The following STARD13 variants were observed in gnomAD, a reference collection of about 807,000 sequenced individuals.
STARD13 encodes StAR related lipid transfer domain containing 13, also known as stAR-related lipid transfer protein 13.
In STARD13, 62 loss-of-function variants were observed where a neutral mutation model predicts 106.4. That is an observed-to-expected ratio of 0.58 (90% CI 0.48 to 0.72). The LOEUF (loss-of-function observed/expected upper bound fraction) is 0.72, where lower values mean the gene tolerates loss of function less well. Among genes scored for constraint, STARD13 ranks in the 30% least tolerant of loss-of-function variants. The pLI is 0.00. For missense variants in STARD13, 1,387 were observed against 1,424.0 expected (o/e 0.97, Z 0.42); for synonymous variants, 565 against 553.0 (o/e 1.02, Z -0.31).
At chr13:33,620,779 C>T in the STARD13 span, among the ~76,000 whole-genome samples, 1 of 149,752 alleles carries the variant, frequency 6.7e-6, no homozygotes, top group Non-Finnish European at 1.5e-5. Flanking sequence ...ACATATATAA[C>T]AGAATATACA....
the STARD13 span, among the ~76,000 whole-genome samples, chr13:33,647,706 T>C: frequency 6.6e-6 from 1 of 152,210 alleles, no homozygotes; most frequent in African/African-American, 2.4e-5. Flanking sequence ...ACACAGTAAA[T>C]GGGAAAGATC....
At chr13:33,668,066 A>G in the STARD13 span, among the ~76,000 whole-genome samples, 4 of 152,122 alleles carry the variant, frequency 2.6e-5, no homozygotes, top group African/African-American at 9.7e-5. Context: ...TTTTCTGTCC[A>G]TAGATTTTCT....
the STARD13 span, among the ~76,000 whole-genome samples, chr13:33,471,281 T>C: frequency 6.6e-6 from 1 of 152,270 alleles, no homozygotes. Context: ...TGTAGCCACA[T>C]AGAGAGTAGC....
At chr13:33,459,820 T>C in the STARD13 span, among the ~76,000 whole-genome samples, 1 of 152,210 alleles carries the variant, frequency 6.6e-6, no homozygotes, top group Non-Finnish European at 1.5e-5. Context: ...AATATATTTT[T>C]TCTGGATATA....
chr13:33,231,905 C>G (rs1460872057), intron 1 of STARD13, among the ~76,000 whole-genome samples: 1 of 152,212 alleles, frequency 6.6e-6, no homozygotes, highest in Non-Finnish European at 1.5e-5. Context: ...CTAAAATCTG[C>G]AGATGCTCAA....
chr13:33,490,151 G>GT, the STARD13 span, among the ~76,000 whole-genome samples: 3 of 151,810 alleles, frequency 2.0e-5, no homozygotes, highest in Admixed American at 1.3e-4. Context: ...TCAAAAATTT[G>GT]TTTTTTTATG....
chr13:33,398,493 A>G, the STARD13 span, among the ~76,000 whole-genome samples: 2 of 152,200 alleles, frequency 1.3e-5, no homozygotes, highest in African/African-American at 4.8e-5. Flanking sequence ...CTATTCTTTG[A>G]AAGACATTGT....
intron 1 of STARD13, among the ~76,000 whole-genome samples, chr13:33,338,045 G>T (rs1393546653): frequency 2.0e-5 from 3 of 152,174 alleles, no homozygotes; most frequent in Non-Finnish European, 2.9e-5. Context: ...CTCCTGACTT[G>T]TCCCCTCTTG....
At chr13:33,354,137 C>T (rs1207480403), upstream of STARD13, among the ~76,000 whole-genome samples, 1 of 152,198 alleles carries the variant, frequency 6.6e-6, no homozygotes, top group Admixed American at 6.5e-5. Flanking sequence ...CACCTCCATA[C>T]ATCCTATGCT....
At chr13:33,666,541 C>T in the STARD13 span, among the ~76,000 whole-genome samples, 7 of 152,000 alleles carry the variant, frequency 4.6e-5, no homozygotes, top group Non-Finnish European at 7.4e-5. Context: ...GTGATCTGCC[C>T]GCCTCAGCCT....
the STARD13 span, among the ~76,000 whole-genome samples, chr13:33,453,483 G>C: frequency 6.6e-6 from 1 of 152,164 alleles, no homozygotes; most frequent in Non-Finnish European, 1.5e-5. Context: ...TTCAAGTATA[G>C]AGAAAACACT....
chr13:33,299,707 G>A (rs1364450362), intron 1 of STARD13, among the ~76,000 whole-genome samples: 1 of 152,186 alleles, frequency 6.6e-6, no homozygotes, highest in Non-Finnish European at 1.5e-5. Context: ...TTCTAAGGAG[G>A]TAGGTGAATG....
chr13:33,189,439 G>C (rs1302074249), intron 1 of STARD13, among the ~76,000 whole-genome samples: 1 of 109,506 alleles, frequency 9.1e-6, no homozygotes, highest in African/African-American at 3.1e-5. Context: ...CCTTTCGGAG[G>C]AAGGAGGGAA....
At chr13:33,410,149 T>G in the STARD13 span, among the ~76,000 whole-genome samples, 321 of 152,362 alleles carry the variant, frequency 2.1e-3, no homozygotes, top group African/African-American at 7.6e-3. Flanking sequence ...TTAATAAAAA[T>G]CAGTGGTTGT....
upstream of STARD13, among the ~76,000 whole-genome samples, chr13:33,287,258 G>A (rs561374243): frequency 7.8e-4 from 119 of 152,268 alleles, no homozygotes; most frequent in Non-Finnish European, 1.2e-3. Context: ...AACTTTCCCT[G>A]AGGGAATTGT....
At chr13:33,639,089 A>C in the STARD13 span, among the ~76,000 whole-genome samples, 2 of 152,194 alleles carry the variant, frequency 1.3e-5, no homozygotes, top group African/African-American at 4.8e-5. Context: ...TTGCAGCATA[A>C]GGGGAAAAGA....
chr13:33,516,238 A>G, the STARD13 span, among the ~76,000 whole-genome samples: 37 of 148,490 alleles, frequency 2.5e-4, no homozygotes, highest in Admixed American at 1.0e-3. Context: ...AATTCATTAT[A>G]ATTCATAATA....
the STARD13 span, among the ~76,000 whole-genome samples, chr13:33,635,903 G>A: frequency 1.3e-5 from 2 of 151,840 alleles, no homozygotes; most frequent in Non-Finnish European, 1.5e-5. Context: ...AGAATGGCGT[G>A]AACCCGGGAG....
the STARD13 span, among the ~76,000 whole-genome samples, chr13:33,571,373 T>A: frequency 6.6e-6 from 1 of 152,200 alleles, no homozygotes; most frequent in Admixed American, 6.5e-5. Flanking sequence ...TTGAGTTTAT[T>A]TATTTTGCTT....
Sources: gnomAD v4.1 joint callset for allele counts (sites outside exome capture counted in the v4.1 genomes callset) on GRCh38, gnomAD v4.1.1 for gene constraint, MANE v1.5 for transcripts, NCBI Gene and HGNC (gene_info 2026-07-23, HGNC 2026-07-21) for gene names.